BAZ1A: variants seen among roughly 807,000 people sequenced by gnomAD.
The protein encoded by BAZ1A is bromodomain adjacent to zinc finger domain protein 1A.
A neutral mutation model predicts 185.2 loss-of-function variants in BAZ1A; 50 were observed. The observed-to-expected ratio is 0.27, with a 90% CI of 0.22 to 0.34. The LOEUF (loss-of-function observed/expected upper bound fraction) is 0.34. Ranked by LOEUF, BAZ1A falls within the 10% of genes least tolerant of loss-of-function variation. BAZ1A has a pLI of 1.00. For synonymous variants in BAZ1A, 571 were observed against 615.6 expected, an observed-to-expected ratio of 0.93 and a Z score of 1.07; for missense variants, 1,356 against 1,839.9, an observed-to-expected ratio of 0.74 and a Z score of 4.81.
At position 34,803,004 on chromosome 14, in the gene BAZ1A, A is replaced by G; in HGVS notation, c.727-16T>C. The G allele has an allele frequency of 6.3e-7, 1 of 1,596,900 alleles. No homozygotes were observed. Among genetic ancestry groups the G allele is most frequent in the Non-Finnish European group, 8.6e-7 (1 of 1,165,170 alleles). ...GAGATGATGCCTTAATAAAACAAAG[A>G]CATAGGGTACAATAATAACACATTA... is the stretch of plus-strand genomic sequence containing the variant. On this transcript the variant is annotated splice_polypyrimidine_tract_variant and intron_variant, in intron 6 of 26. Coordinates refer to ENST00000360310, the MANE Select transcript of BAZ1A (RefSeq NM_013448.3).
intron 9 of BAZ1A, among the ~76,000 whole-genome samples, chr14:34,799,771 C>T (rs893242226): frequency 2.0e-5 from 3 of 152,088 alleles, no homozygotes; most frequent in Non-Finnish European, 2.9e-5. Context: ...ACTACCATGC[C>T]CGGCTAAGTT....
At chr14:34,757,892 G>T (rs1000078577) in intron 25 of BAZ1A, among the ~76,000 whole-genome samples, 3 of 150,006 alleles carry the variant, frequency 2.0e-5, no homozygotes, top group African/African-American at 7.3e-5. Context: ...GACTACAGGC[G>T]CCTGCCACCA....
At chr14:34,803,354 G>A (rs1272737255) in intron 6 of BAZ1A, among the ~76,000 whole-genome samples, 1 of 147,878 alleles carries the variant, frequency 6.8e-6, no homozygotes, top group Non-Finnish European at 1.5e-5. Flanking sequence ...ACTCCAGCCT[G>A]GTGACAGAGT....
At position 34,817,834 on chromosome 14, in the gene BAZ1A, G is replaced by A. The variant is rs75303301; in HGVS notation, c.537-6798C>T. Reference sequence around the variant, plus strand: ...ATGACTATAATTTTTAAAAACCAGAGTATAACAACTGATGCCAAGTGTATG... The same window carrying A: ...ATGACTATAATTTTTAAAAACCAGAATATAACAACTGATGCCAAGTGTATG... On this transcript the variant is annotated intron_variant, in intron 4 of 26. Transcript: ENST00000360310. Among the ~76,000 whole-genome samples, 583 of 152,280 alleles carry A rather than the reference G, an allele frequency of 3.8e-3. 6 individuals are homozygous for A. Among genetic ancestry groups the A allele is most frequent in the African/African-American group, 0.013 (560 of 41,556 alleles).
At chr14:34,812,817 A>G (rs996034349) in intron 4 of BAZ1A, among the ~76,000 whole-genome samples, 1 of 152,240 alleles carries the variant, frequency 6.6e-6, no homozygotes, top group Non-Finnish European at 1.5e-5. Flanking sequence ...ATATGATACA[A>G]TTAAACAAGT....
chr14:34,812,116 A>T (rs1296491558), intron 4 of BAZ1A, among the ~76,000 whole-genome samples: 1 of 152,102 alleles, frequency 6.6e-6, no homozygotes, highest in Non-Finnish European at 1.5e-5. Flanking sequence ...GATAAGTGCT[A>T]TGAAGAGAAC....
intron 9 of BAZ1A, among the ~76,000 whole-genome samples, chr14:34,797,920 A>C (rs1247417624): frequency 6.6e-6 from 1 of 152,218 alleles, no homozygotes; most frequent in East Asian, 1.9e-4. Flanking sequence ...TTCCTAGCCA[A>C]GGGGAGCCTT....
intron 21 of BAZ1A, among the ~76,000 whole-genome samples, chr14:34,766,138 A>G (rs1010031733): frequency 6.6e-6 from 1 of 152,216 alleles, no homozygotes; most frequent in Admixed American, 6.5e-5. Context: ...TCTGTCTCTC[A>G]GTTTCCTCAA....
chr14:34,856,585 C>T (rs999880215), intron 3 of BAZ1A, among the ~76,000 whole-genome samples: 21 of 151,990 alleles, frequency 1.4e-4, no homozygotes, highest in Non-Finnish European at 1.0e-4. Flanking sequence ...AGGCCGGGTG[C>T]GGTGGCTCAT....
intron 4 of BAZ1A, among the ~76,000 whole-genome samples, chr14:34,817,067 G>A (rs977642763): frequency 2.4e-4 from 36 of 152,108 alleles, no homozygotes; most frequent in African/African-American, 8.4e-4. Flanking sequence ...ATTTCAGAGA[G>A]AAAGACTAGG....
At chr14:34,829,654 T>C (rs1171345576) in intron 3 of BAZ1A, among the ~76,000 whole-genome samples, 2 of 152,196 alleles carry the variant, frequency 1.3e-5, no homozygotes, top group Non-Finnish European at 2.9e-5. Flanking sequence ...AAAGTCACAA[T>C]AATCTAACTA....
intron 4 of BAZ1A, among the ~76,000 whole-genome samples, chr14:34,825,310 G>A (rs564629838): frequency 1.5e-4 from 22 of 151,662 alleles, no homozygotes; most frequent in African/African-American, 2.2e-4. Context: ...AAAATTAGCC[G>A]GGCGTGGTGG....
At chr14:34,793,947 G>GA (rs1448657259) in intron 11 of BAZ1A, among the ~76,000 whole-genome samples, 3 of 139,594 alleles carry the variant, frequency 2.1e-5, no homozygotes, top group African/African-American at 2.7e-5. Context: ...GTCTCAAAAA[G>GA]AAAAAAAAGA....
intron 16 of BAZ1A, 62 bp downstream of exon 16, chr14:34,783,057 G>A: frequency 3.2e-6 from 4 of 1,242,980 alleles, no homozygotes; most frequent in Middle Eastern, 1.9e-4. Flanking sequence ...TAGAGTTTAA[G>A]GTGTCTGGTT....
At chr14:34,797,748 A>C (rs1881274979) in intron 9 of BAZ1A, among the ~76,000 whole-genome samples, 1 of 152,206 alleles carries the variant, frequency 6.6e-6, no homozygotes, top group African/African-American at 2.4e-5. Context: ...ATCAATGCAG[A>C]AGACGGTGAT....
chr14:34,819,614 C>A (rs1594872263), intron 4 of BAZ1A, among the ~76,000 whole-genome samples: 1 of 152,216 alleles, frequency 6.6e-6, no homozygotes, highest in East Asian at 1.9e-4. Context: ...TATCTAATTT[C>A]TTTTTAGTGC....
chr14:34,802,759 A>G (rs1881634306), intron 7 of BAZ1A, 95 bp downstream of exon 7: 39 of 1,325,388 alleles, frequency 2.9e-5, no homozygotes, highest in Non-Finnish European at 3.8e-5. Flanking sequence ...TTCTTCCTCT[A>G]GGCTATGGAT....
In BAZ1A at chr14:34,810,957, T is replaced by C. The variant is rs1351969030; in HGVS notation, c.616A>G (p.Ile206Val). 1.2e-6 allele frequency: 2 copies of C among 1,608,056 alleles called. No homozygotes were observed. Among genetic ancestry groups the C allele is most frequent in the Middle Eastern group, 1.7e-4 (1 of 6,034 alleles). Residue 206 changes from isoleucine (I) to valine (V), a missense_variant, in exon 5 of 27, where the codon ATT becomes GTT. Coordinates refer to ENST00000360310, the MANE Select transcript of BAZ1A (RefSeq NM_013448.3). Reference protein sequence around the residue: ...PTKKELHESAIVKATQISRRK... With the variant: ...PTKKELHESAVVKATQISRRK... ...TACCTGATTTGTGTTGCTTTAACAATAGCAGACTCATGTAATTCTTTTTTA... is the reference window on the plus strand; with the variant it reads ...TACCTGATTTGTGTTGCTTTAACAACAGCAGACTCATGTAATTCTTTTTTA...
chr14:34,791,430 G>C (rs1880841000), intron 12 of BAZ1A, among the ~76,000 whole-genome samples: 1 of 152,110 alleles, frequency 6.6e-6, no homozygotes, highest in Non-Finnish European at 1.5e-5. Flanking sequence ...GGTGACAATA[G>C]GGGTCATATT....
Sources: allele counts gnomAD v4.1 joint callset (sites outside exome capture counted in the v4.1 genomes callset), GRCh38; gene constraint gnomAD v4.1.1; transcripts MANE v1.5; gene names NCBI Gene and HGNC (gene_info 2026-07-23, HGNC 2026-07-21).